OR2AG2: variants seen among roughly 807,000 people sequenced by gnomAD.
The protein encoded by OR2AG2 is olfactory receptor 2AG2.
For missense variants in OR2AG2, 390 were observed against 391.9 expected (o/e 1.00, Z 0.04); for synonymous variants, 167 against 157.1 (o/e 1.06, Z -0.47).
At position 6,769,027 on chromosome 11, in the gene OR2AG2, A is replaced by G; in HGVS notation, c.-70T>C. 1 of 1,126,234 alleles carries G rather than the reference A, an allele frequency of 8.9e-7. No homozygotes were observed. The highest frequency in any genetic ancestry group is 1.3e-6 in the Non-Finnish European group (1 of 780,686). 69.8% of individuals were successfully genotyped at this position (1,126,234 alleles called of 1,614,324 possible). A position where few individuals can be genotyped will look rare whatever the true frequency, so the allele number is the denominator to read the frequency against. ...AAGCTTTTCTAAAGGTGTTCACTCT[A>G]GCTTTGGATTGTTCTAGGTCACTGT... On this transcript the variant is annotated 5_prime_UTR_variant, in exon 2 of 2. Coordinates refer to ENST00000641124, the MANE Select transcript of OR2AG2 (RefSeq NM_001004490.2).
chr11:6,769,149 A>C lies in OR2AG2; in HGVS notation c.-192T>G. 1 of 540,238 alleles carries C rather than the reference A, an allele frequency of 1.9e-6. No individual in the cohort carries two copies. 33.5% of individuals were successfully genotyped at this position (540,238 alleles called of 1,614,324 possible). On this transcript the variant is annotated 5_prime_UTR_variant, in exon 2 of 2. Transcript: ENST00000641124. ...TTTTATTGAAATAAACCATCAGCTAAACTGGTATCAGGTATTTTGACATGT... is the reference window on the plus strand; with the variant it reads ...TTTTATTGAAATAAACCATCAGCTACACTGGTATCAGGTATTTTGACATGT...
chr11:6,768,448 C>G lies in OR2AG2; in HGVS notation c.510G>C (p.Val170=), dbSNP rs752211569. ...AGAGCAGATGCCTGATTTCCCAGGA[C>G]ACACAGAAAGGGAGGTGCATAGTGT... The part of the protein sequence containing the change: ...TMYTMHLPFC[V]SWEIRHLLCE... The change falls in exon 2 of 2, where the codon GTG becomes GTC. Residue 170 remains valine, a synonymous_variant. Transcript: ENST00000641124. The G allele has an allele frequency of 1.2e-6, 2 of 1,614,116 alleles. No homozygotes were observed. Among genetic ancestry groups the G allele is most frequent in the Non-Finnish European group, 1.7e-6 (2 of 1,180,016 alleles).
rs199843483 is a variant in OR2AG2, at chr11:6,768,730, A to T, written c.228T>A (p.Val76=). 1 of 1,614,144 alleles carries T rather than the reference A, an allele frequency of 6.2e-7. No individual in the cohort carries two copies. Residue 76 remains valine (V), a synonymous_variant, in exon 2 of 2, where the codon GTT becomes GTA. Coordinates refer to ENST00000641124, the MANE Select transcript of OR2AG2 (RefSeq NM_001004490.2). The part of the protein sequence containing the change: ...LSLMDLLFTS[V]VTPKALADFL... ...AGTCCGCAAGGGCCTTGGGAGTGAC[A>T]ACAGATGTGAACAGGAGGTCCATGA...
chr11:6,771,522 AC>A (rs1847447294), intron 1 of OR2AG2, 99 bp downstream of exon 1: 1 of 152,264 alleles, frequency 6.6e-6, no homozygotes, highest in Non-Finnish European at 1.5e-5. Flanking sequence ...AGCCTGAGGA[AC>A]TAGAGAATCT....
rs1335319755 is a variant in OR2AG2 at position 6,768,970 on chromosome 11, T to C, written c.-13A>G. On this transcript the variant is annotated 5_prime_UTR_variant, in exon 2 of 2. Transcript: ENST00000641124. ...TCCGGAGCTCCATGATGTGTTTTTTTAGTTGCCTAGAACCAAATATATTAT... is the reference window on the plus strand; with the variant it reads ...TCCGGAGCTCCATGATGTGTTTTTTCAGTTGCCTAGAACCAAATATATTAT... 12 of 1,589,454 alleles carry C rather than the reference T, an allele frequency of 7.5e-6. No homozygotes were observed. Among genetic ancestry groups the C allele is most frequent in the East Asian group, 6.7e-5 (3 of 44,640 alleles).
chr11:6,768,286 A>T lies in OR2AG2; in HGVS notation c.672T>A (p.Thr224=). The T allele has an allele frequency of 6.2e-7, 1 of 1,614,110 alleles. No homozygotes were observed. The highest frequency in any genetic ancestry group is 1.3e-5 in the African/African-American group (1 of 75,058). The stretch of plus-strand genomic sequence containing the variant: ...CCTCATTTGATGGCATACGAAGCAC[A>T]GTGAATAGGACTAGTGTGTAGGAGG... ...IVASYTLVLF[T]VLRMPSNEGR... Residue 224 remains threonine (T), a synonymous_variant, in exon 2 of 2, where the codon ACT becomes ACA. Coordinates refer to ENST00000641124, the MANE Select transcript of OR2AG2 (RefSeq NM_001004490.2).
In OR2AG2 at chr11:6,771,707, G is replaced by T. The variant is rs1175472472; in HGVS notation, c.-623C>A. On this transcript the variant is annotated 5_prime_UTR_variant, in exon 1 of 2. Transcript: ENST00000641124. ...GTTGCTTCTTCTGGCCAGGATGAAT[G>T]TAGGTGTGTGTATGGCTGTCTCTAG... 1.3e-5 allele frequency: 2 copies of T among 152,298 alleles called. No individual in the cohort carries two copies. The highest frequency in any genetic ancestry group is 6.5e-5 in the Admixed American group (1 of 15,286). 9.4% of individuals were successfully genotyped at this position (152,298 alleles called of 1,614,324 possible).
At position 6,769,388 on chromosome 11, in the gene OR2AG2, G is replaced by C. The variant is rs1296396809; in HGVS notation, c.-431C>G. 6.1e-6 allele frequency: 1 copy of C among 162,816 alleles called. No individual in the cohort carries two copies. Among genetic ancestry groups the C allele is most frequent in the African/African-American group, 2.4e-5 (1 of 41,478 alleles). 10.1% of individuals were successfully genotyped at this position (162,816 alleles called of 1,614,324 possible). Reference sequence around the variant, plus strand: ...TTTATTTATAAAAAACCTCTTTGCTGTCTTCTCCCTTAAACCAGTCTCATT... The same window carrying C: ...TTTATTTATAAAAAACCTCTTTGCTCTCTTCTCCCTTAAACCAGTCTCATT... On this transcript the variant is annotated 5_prime_UTR_variant, in exon 2 of 2. Transcript: ENST00000641124.
chr11:6,765,853 T>C lies in OR2AG2; in HGVS notation c.*2154A>G, dbSNP rs1432347223. On this transcript the variant is annotated 3_prime_UTR_variant, in exon 2 of 2. Coordinates refer to ENST00000641124, the MANE Select transcript of OR2AG2 (RefSeq NM_001004490.2). The stretch of plus-strand genomic sequence containing the variant: ...GAAAGTAGATTTTAACTTTTCCTAA[T>C]GCAAAAAAGATAAGTATGTGGAGTA... The C allele has an allele frequency of 6.6e-6, 1 of 152,060 alleles. No homozygotes were observed. Among genetic ancestry groups the C allele is most frequent in the African/African-American group, 2.4e-5 (1 of 41,430 alleles). The allele number at this position is 152,060 out of a possible 1,614,324, so 9.4% of individuals were successfully genotyped here.
chr11:6,770,079 A>T (rs1847433168), intron 1 of OR2AG2, among the ~76,000 whole-genome samples: 1 of 152,184 alleles, frequency 6.6e-6, no homozygotes, highest in Non-Finnish European at 1.5e-5. Flanking sequence ...GTCAACTCAG[A>T]GTTAGAACCT....
chr11:6,765,964 T>C lies in OR2AG2; in HGVS notation c.*2043A>G, dbSNP rs962229924. ...ATGTTTTACTACATTAAGACATACA[T>C]ATTTTGTCAATAAAAATAATAAACA... On this transcript the variant is annotated 3_prime_UTR_variant, in exon 2 of 2. Transcript: ENST00000641124. 4 of 152,270 alleles carry C rather than the reference T, an allele frequency of 2.6e-5. No individual in the cohort carries two copies. The South Asian group carries it at 8.3e-4, about 32-fold the overall frequency. The allele number at this position is 152,270 out of a possible 1,614,324, so 9.4% of individuals were successfully genotyped here.
chr11:6,768,338 A>T lies in OR2AG2; in HGVS notation c.620T>A (p.Leu207His). The T allele has an allele frequency of 1.2e-6, 2 of 1,614,084 alleles. No individual in the cohort carries two copies. Among genetic ancestry groups the T allele is most frequent in the South Asian group, 1.1e-5 (1 of 91,070 alleles). ...CACAATGGCAGAAATGGGGAGCAAG[A>T]GGAAAGTCACACCTGTCACGTATAT... ...LIIYVTGVTF[L>H]LLPISAIVAS... The change falls in exon 2 of 2, where the codon CTC becomes CAC. Residue 207 changes from leucine (L) to histidine (H), a missense_variant. Transcript: ENST00000641124.
In OR2AG2 at chr11:6,769,256, G is replaced by T; in HGVS notation, c.-299C>A. ...CAAGCAAACATCTTTGTAGATAGAT[G>T]AAAGCATCTCTTTCTTCACAATGAA... On this transcript the variant is annotated 5_prime_UTR_variant, in exon 2 of 2. The change creates a premature stop within an existing upstream ORF in the 5' untranslated region. Coordinates refer to ENST00000641124, the MANE Select transcript of OR2AG2 (RefSeq NM_001004490.2). 3.4e-6 allele frequency: 1 copy of T among 295,732 alleles called. No homozygotes were observed. The allele number at this position is 295,732 out of a possible 1,614,324, so 18.3% of individuals were successfully genotyped here. A position where few individuals can be genotyped will look rare whatever the true frequency, so the allele number is the denominator to read the frequency against.
intron 1 of OR2AG2, among the ~76,000 whole-genome samples, chr11:6,769,761 C>T (rs573857591): frequency 2.0e-5 from 3 of 152,200 alleles, no homozygotes; most frequent in South Asian, 2.1e-4. Context: ...GCCACAGCAA[C>T]ACACACAAGG....
chr11:6,769,993 C>A (rs1847432457), intron 1 of OR2AG2, among the ~76,000 whole-genome samples: 1 of 152,042 alleles, frequency 6.6e-6, no homozygotes, highest in Non-Finnish European at 1.5e-5. Flanking sequence ...ACAAATAATT[C>A]TTGATCAAAT....
rs779658090 is a variant in OR2AG2 at position 6,768,531 on chromosome 11, T to G, written c.427A>C (p.Ile143Leu). The stretch of plus-strand genomic sequence containing the variant: ...AGGATCCAGGATGTGGCCACCATGA[T>G]CCAGCAGACTCTTGGGCTCATGAGG... ...MTLMSPRVCW[I>L]MVATSWILAS... Residue 143 changes from isoleucine (I) to leucine (L), a missense_variant, in exon 2 of 2, where the codon ATC becomes CTC. Coordinates refer to ENST00000641124, the MANE Select transcript of OR2AG2 (RefSeq NM_001004490.2). 2.1e-5 allele frequency: 34 copies of G among 1,613,918 alleles called. No homozygotes were observed. The highest frequency in any genetic ancestry group is 1.6e-4 in the Middle Eastern group (1 of 6,084).
intron 1 of OR2AG2, among the ~76,000 whole-genome samples, chr11:6,770,120 A>G (rs565126868): frequency 6.6e-6 from 1 of 152,294 alleles, no homozygotes; most frequent in Non-Finnish European, 1.5e-5. Flanking sequence ...AAAACCTGAC[A>G]TTGGAAGGCG....
rs1057192138 is a variant in OR2AG2, at chr11:6,768,842, A to C, written c.116T>G (p.Leu39Arg). 6.2e-7 allele frequency: 1 copy of C among 1,614,018 alleles called. No homozygotes were observed. The highest frequency in any genetic ancestry group is 8.5e-7 in the Non-Finnish European group (1 of 1,179,992). Residue 39 changes from leucine to arginine, a missense_variant, in exon 2 of 2, where the codon CTG becomes CGG. Coordinates refer to ENST00000641124, the MANE Select transcript of OR2AG2 (RefSeq NM_001004490.2). ...CAGGAGCAGCAGACCATTGCTGGTC[A>C]GTGCCAACATGTATAGGATTGTAAA... ...ATFTILYMLA[L>R]TSNGLLLLAI...
Position 6,768,499 on chromosome 11 carries a change from G to T in OR2AG2, c.459C>A (p.Ser153=). The change falls in exon 2 of 2, where the codon TCC becomes TCA. Residue 153 remains serine (S), a synonymous_variant. Transcript: ENST00000641124. ...IMVATSWILA[S]LIAIGHTMYT... ...ACATGGTATGTCCTATAGCAATCAG[G>T]GATGCCAGGATCCAGGATGTGGCCA... is the stretch of plus-strand genomic sequence containing the variant. The T allele has an allele frequency of 1.2e-6, 2 of 1,614,070 alleles. No homozygotes were observed. Among genetic ancestry groups the T allele is most frequent in the Middle Eastern group, 1.6e-4 (1 of 6,062 alleles).
Sources: allele counts gnomAD v4.1 joint callset (sites outside exome capture counted in the v4.1 genomes callset), GRCh38; gene constraint gnomAD v4.1.1; transcripts MANE v1.5; gene names NCBI Gene and HGNC (gene_info 2026-07-23, HGNC 2026-07-21).